The following ACO1 variants were observed in gnomAD, a reference collection of about 807,000 sequenced individuals.
The protein encoded by ACO1 is cytoplasmic aconitate hydratase.
ACO1 carries 78 observed loss-of-function variants against 105.1 expected under a neutral mutation model. The observed-to-expected ratio is 0.74, with a 90% confidence interval of 0.62 to 0.90. ACO1 has a LOEUF of 0.90. Ranked by LOEUF, ACO1 falls within the 40% of genes least tolerant of loss-of-function variation. ACO1 has a pLI of 0.00. For missense variants in ACO1, 965 were observed against 1,111.1 expected, an observed-to-expected ratio of 0.87 and a Z score of 1.87; for synonymous variants, 364 against 397.4, an observed-to-expected ratio of 0.92 and a Z score of 1.00.
Position 32,424,561 on chromosome 9 carries a change from G to C in ACO1, c.1084G>C (p.Asp362His). 1.2e-6 allele frequency: 2 copies of C among 1,612,328 alleles called. No homozygotes were observed. The highest frequency in any genetic ancestry group is 1.7e-6 in the Non-Finnish European group (2 of 1,178,932). Residue 362 changes from aspartate to histidine, a missense_variant, in exon 10 of 21, where the codon GAT (aspartate) becomes CAT (histidine). Physicochemically the swap from Asp to His is moderately conservative, Grantham distance 81. Coordinates refer to ENST00000309951, the MANE Select transcript of ACO1 (RefSeq NM_002197.3). The part of the protein sequence containing the change: ...DPDFTQVVEL[D>H]LKTVVPCCSG... ...TTGGGGTCAACAGGTTGTGGAATTAGATTTGAAAACAGTAGTGCCTTGCTG... is the reference window on the plus strand; with the variant it reads ...TTGGGGTCAACAGGTTGTGGAATTACATTTGAAAACAGTAGTGCCTTGCTG...
chr9:32,407,536 A>C (rs746000039), intron 3 of ACO1, 107 bp downstream of exon 3: 1 of 1,026,642 alleles, frequency 9.7e-7, no homozygotes, highest in Non-Finnish European at 1.4e-6. Context: ...TACTTTATTA[A>C]TTTATGACTA....
At chr9:32,416,818 T>C (rs1821861766) in intron 4 of ACO1, among the ~76,000 whole-genome samples, 1 of 152,234 alleles carries the variant, frequency 6.6e-6, no homozygotes, top group Non-Finnish European at 1.5e-5. Flanking sequence ...TGTTATCGTC[T>C]AACTTTGGAC....
intron 19 of ACO1, among the ~76,000 whole-genome samples, chr9:32,441,217 G>C (rs1364763722): frequency 6.6e-6 from 1 of 152,100 alleles, no homozygotes; most frequent in African/African-American, 2.4e-5. Context: ...CGCCATCTCG[G>C]GGCTCTACCT....
intron 2 of ACO1, among the ~76,000 whole-genome samples, chr9:32,406,787 A>G (rs749912704): frequency 6.6e-6 from 1 of 152,154 alleles, no homozygotes; most frequent in Non-Finnish European, 1.5e-5. Context: ...ACCACTGAAT[A>G]TCTCTTTCTT....
intron 19 of ACO1, among the ~76,000 whole-genome samples, chr9:32,448,182 G>A (rs896254881): frequency 2.6e-5 from 4 of 152,184 alleles, no homozygotes; most frequent in Admixed American, 1.3e-4. Context: ...CAGGGAGATG[G>A]GGGTGTTATC....
chr9:32,434,065 C>A (rs1197610724), intron 16 of ACO1, among the ~76,000 whole-genome samples: 4 of 152,144 alleles, frequency 2.6e-5, no homozygotes, highest in African/African-American at 9.7e-5. Flanking sequence ...CCCTAGTAAT[C>A]ACCTGGACTT....
intron 19 of ACO1, among the ~76,000 whole-genome samples, chr9:32,446,833 T>C (rs1275850211): frequency 6.6e-6 from 1 of 152,206 alleles, no homozygotes; most frequent in Non-Finnish European, 1.5e-5. Context: ...TTATGTCTCC[T>C]TAACATATGA....
chr9:32,443,867 GTACATGTGCAGAATGTGCAGGTA>G (rs1193454427), intron 19 of ACO1, among the ~76,000 whole-genome samples: 1 of 152,070 alleles, frequency 6.6e-6, no homozygotes, highest in Non-Finnish European at 1.5e-5. Flanking sequence ...AAGTTCTGGG[GTACATGTGCAGAATGTGCAGGTA>G]TACATGTGCC....
intron 1 of ACO1, among the ~76,000 whole-genome samples, chr9:32,387,578 T>G (rs1394068837): frequency 6.6e-6 from 1 of 152,166 alleles, no homozygotes. Flanking sequence ...AGATATAGGG[T>G]GTATGATTCA....
chr9:32,434,459 G>C, intron 16 of ACO1, 100 bp from the exon 17 acceptor site: 1 of 1,401,782 alleles, frequency 7.1e-7, no homozygotes, highest in Non-Finnish European at 9.9e-7. Flanking sequence ...GTGTGGAACT[G>C]TCCTCTGATT....
At chr9:32,433,642 T>C (rs919399500) in intron 15 of ACO1, 86 bp from the exon 16 acceptor site, 148 of 1,007,220 alleles carry the variant, frequency 1.5e-4, no homozygotes, top group Non-Finnish European at 2.0e-4. Flanking sequence ...GTGTACCTTT[T>C]AGCTTGAATG....
chr9:32,416,752 T>C (rs1167135436), intron 4 of ACO1, among the ~76,000 whole-genome samples: 1 of 152,152 alleles, frequency 6.6e-6, no homozygotes, highest in African/African-American at 2.4e-5. Flanking sequence ...CAGAGTATCA[T>C]GGTCAAGGTA....
At chr9:32,391,584 C>T (rs1413029432) in intron 1 of ACO1, among the ~76,000 whole-genome samples, 2 of 152,244 alleles carry the variant, frequency 1.3e-5, no homozygotes, top group Non-Finnish European at 2.9e-5. Flanking sequence ...CTAAGGAGAA[C>T]CCTGGGCAAG....
intron 10 of ACO1, among the ~76,000 whole-genome samples, chr9:32,424,894 C>T (rs926159785): frequency 5.6e-5 from 8 of 142,732 alleles, no homozygotes; most frequent in East Asian, 1.9e-4. Flanking sequence ...GTCTGCTTTT[C>T]ACAGGACCCT....
intron 1 of ACO1, among the ~76,000 whole-genome samples, chr9:32,404,519 C>T (rs567059363): frequency 3.9e-5 from 6 of 152,306 alleles, no homozygotes; most frequent in African/African-American, 1.4e-4. Context: ...TTACCAGTCT[C>T]ACTTGGAAAA....
At position 32,450,608 on chromosome 9, in the gene ACO1, TTCTC is replaced by T. The variant is rs1822742912; in HGVS notation, c.*501_*504del. ...TGCACACTTCAAATCAGAGCAGTGA[TTCTC>T]TCTTCTCTCCCCTTTTCCTTCAGAG... On this transcript the variant is annotated 3_prime_UTR_variant, in exon 21 of 21. Transcript: ENST00000309951. 1 of 167,184 alleles carries T rather than the reference TTCTC, an allele frequency of 6.0e-6. No individual in the cohort carries two copies. The highest frequency in any genetic ancestry group is 2.4e-5 in the African/African-American group (1 of 41,626). The allele number at this position is 167,184 out of a possible 1,614,324, so 10.4% of individuals were successfully genotyped here. A position where few individuals can be genotyped will look rare whatever the true frequency, so the allele number is the denominator to read the frequency against.
intron 1 of ACO1, among the ~76,000 whole-genome samples, chr9:32,400,761 AATGC>A (rs1821478140): frequency 6.6e-6 from 1 of 152,262 alleles, no homozygotes; most frequent in Non-Finnish European, 1.5e-5. Context: ...GTAGTAAATG[AATGC>A]ATGCTTATCA....
chr9:32,426,668 C>G (rs532301512), intron 11 of ACO1, among the ~76,000 whole-genome samples: 2 of 152,252 alleles, frequency 1.3e-5, no homozygotes, highest in East Asian at 3.9e-4. Flanking sequence ...TGGAGCAAAC[C>G]AGTCTTCTGT....
At chr9:32,398,365 C>T (rs1008301464) in intron 1 of ACO1, among the ~76,000 whole-genome samples, 1 of 152,092 alleles carries the variant, frequency 6.6e-6, no homozygotes, top group Non-Finnish European at 1.5e-5. Flanking sequence ...AGATAAACAT[C>T]ATCACATGGC....
Sources: allele counts gnomAD v4.1 joint callset (sites outside exome capture counted in the v4.1 genomes callset), GRCh38; gene constraint gnomAD v4.1.1; transcripts MANE v1.5; gene names NCBI Gene and HGNC (gene_info 2026-07-23, HGNC 2026-07-21).